WDR7: variants seen among roughly 807,000 people sequenced by gnomAD.
WDR7 encodes WD repeat-containing protein 7.
Under a neutral mutation model 169.4 loss-of-function variants are expected in WDR7, and 46 were observed. That is an observed-to-expected ratio of 0.27 (90% CI 0.21 to 0.35). WDR7 has a LOEUF of 0.35. Ranked by LOEUF, WDR7 falls within the 10% of genes least tolerant of loss-of-function variation. The probability of loss-of-function intolerance (pLI) is 1.00; values close to 1 mark genes in which losing one functional copy is unlikely to be tolerated. For synonymous variants in WDR7, 612 were observed against 666.8 expected (o/e 0.92, Z 1.27); for missense variants, 1,534 against 1,859.3 (o/e 0.83, Z 3.22).
chr18:56,688,781 C>T (rs1488606609), intron 7 of WDR7, among the ~76,000 whole-genome samples: 3 of 151,736 alleles, frequency 2.0e-5, no homozygotes, highest in Non-Finnish European at 2.9e-5. Context: ...GTCTCTTCCC[C>T]GCTGGAACTT....
In WDR7 at chr18:56,708,820, C is replaced by T. The variant is rs8088582; in HGVS notation, c.1579-9144C>T. ...GGCATGGTGGCATGTGCCTGTAATCCCAGCTACTTGAGAGACTGAGGTAGG... is the reference window on the plus strand; with the variant it reads ...GGCATGGTGGCATGTGCCTGTAATCTCAGCTACTTGAGAGACTGAGGTAGG... On this transcript the variant is annotated intron_variant, in intron 12 of 27. Coordinates refer to ENST00000254442, the MANE Select transcript of WDR7 (RefSeq NM_015285.3). 2.4e-3 allele frequency among the ~76,000 whole-genome samples: 367 copies of T among 152,130 alleles called. 1 individual carries two copies. Among genetic ancestry groups the T allele is most frequent in the African/African-American group, 8.2e-3 (339 of 41,478 alleles).
chr18:57,006,980 AC>A (rs2048067379), intron 26 of WDR7, among the ~76,000 whole-genome samples: 1 of 148,102 alleles, frequency 6.8e-6, no homozygotes, highest in African/African-American at 2.5e-5. Context: ...ATCTTTCCTA[AC>A]TTTTTTTTTT....
intron 21 of WDR7, among the ~76,000 whole-genome samples, chr18:56,881,081 A>T (rs1351487583): frequency 6.6e-6 from 1 of 152,242 alleles, no homozygotes; most frequent in African/African-American, 2.4e-5. Flanking sequence ...TTATGACAGC[A>T]GTGAACTTCA....
At chr18:56,871,963 T>C (rs558769621) in intron 20 of WDR7, among the ~76,000 whole-genome samples, 59 of 152,154 alleles carry the variant, frequency 3.9e-4, no homozygotes, top group Non-Finnish European at 7.8e-4. Context: ...AAGAATTGAA[T>C]GTTTAAGAAC....
At chr18:56,892,803 A>G (rs754474816) in intron 21 of WDR7, among the ~76,000 whole-genome samples, 17 of 152,078 alleles carry the variant, frequency 1.1e-4, no homozygotes, top group Non-Finnish European at 2.1e-4. Flanking sequence ...TGAAGAAGAT[A>G]CTTCAGTAGT....
intron 14 of WDR7, among the ~76,000 whole-genome samples, chr18:56,732,111 AAC>A (rs778427682): frequency 1.3e-5 from 2 of 152,208 alleles, no homozygotes; most frequent in Non-Finnish European, 2.9e-5. Flanking sequence ...CCCAAGCTCA[AAC>A]ACACTTTCCT....
At chr18:56,797,939 C>T (rs1480035371) in intron 19 of WDR7, among the ~76,000 whole-genome samples, 1 of 152,118 alleles carries the variant, frequency 6.6e-6, no homozygotes, top group Non-Finnish European at 1.5e-5. Context: ...ATCATCTTTA[C>T]CTGTAAATAT....
intron 25 of WDR7, among the ~76,000 whole-genome samples, chr18:56,949,128 GTC>G (rs10537966): frequency 2.1e-3 from 297 of 142,704 alleles, no homozygotes; most frequent in Admixed American, 1.7e-3. Context: ...GTTTTCTAAA[GTC>G]TCTCTCTCTC....
At chr18:56,669,964 A>G (rs570680578) in intron 1 of WDR7, among the ~76,000 whole-genome samples, 38 of 152,216 alleles carry the variant, frequency 2.5e-4, no homozygotes, top group African/African-American at 8.4e-4. Flanking sequence ...CTGGATTTAC[A>G]TTGCCCTTTT....
At chr18:56,794,591 G>A (rs1190693543) in intron 19 of WDR7, among the ~76,000 whole-genome samples, 1 of 151,944 alleles carries the variant, frequency 6.6e-6, no homozygotes, top group African/African-American at 2.4e-5. Context: ...TTACAGGCGT[G>A]AGCCACCGTG....
intron 20 of WDR7, among the ~76,000 whole-genome samples, chr18:56,855,191 C>G (rs933519043): frequency 6.6e-6 from 1 of 151,756 alleles, no homozygotes; most frequent in African/African-American, 2.4e-5. Flanking sequence ...TTTCAACATA[C>G]GTGTTTCCTA....
chr18:56,757,058 A>G lies in WDR7; in HGVS notation c.2465A>G (p.Asp822Gly). The stretch of plus-strand genomic sequence containing the variant: ...GAAGTACTGGATGAAGTTTGCCTGG[A>G]TCGCCTTGGAATGCTGAAACCCCAC... ...LNEVLDEVCL[D>G]RLGMLKPHCT... The change falls in exon 15 of 28, where the codon GAT (aspartate) becomes GGT (glycine). Residue 822 changes from aspartate (D) to glycine (G), a missense_variant. Asp to Gly is a moderately conservative substitution (Grantham distance 94). Coordinates refer to ENST00000254442, the MANE Select transcript of WDR7 (RefSeq NM_015285.3). 1 of 1,614,110 alleles carries G rather than the reference A, an allele frequency of 6.2e-7. No individual in the cohort carries two copies. Among genetic ancestry groups the G allele is most frequent in the Non-Finnish European group, 8.5e-7 (1 of 1,180,004 alleles).
intron 16 of WDR7, among the ~76,000 whole-genome samples, chr18:56,766,267 G>C (rs1362444157): frequency 6.6e-6 from 1 of 151,990 alleles, no homozygotes; most frequent in Admixed American, 6.6e-5. Context: ...CATGTTTCTT[G>C]TGGTTGGGGT....
At chr18:56,732,471 A>G (rs534875458) in intron 14 of WDR7, among the ~76,000 whole-genome samples, 47 of 152,340 alleles carry the variant, frequency 3.1e-4, no homozygotes, top group Admixed American at 1.1e-3. Context: ...GTGAATAAAT[A>G]GTAAAGGGGT....
intron 22 of WDR7, among the ~76,000 whole-genome samples, chr18:56,928,041 G>A (rs1183897273): frequency 6.6e-6 from 1 of 152,196 alleles, no homozygotes; most frequent in Non-Finnish European, 1.5e-5. Context: ...AAGGACAGGG[G>A]CATGCGAAAG....
chr18:56,870,650 TATCA>T (rs1248745300), intron 20 of WDR7, among the ~76,000 whole-genome samples: 1 of 152,214 alleles, frequency 6.6e-6, no homozygotes, highest in East Asian at 1.9e-4. Flanking sequence ...CAGCCAGGTG[TATCA>T]ATTAATTAAT....
chr18:56,725,757 A>G (rs1475300304), intron 13 of WDR7, among the ~76,000 whole-genome samples: 1 of 152,098 alleles, frequency 6.6e-6, no homozygotes, highest in Non-Finnish European at 1.5e-5. Flanking sequence ...GGTATTGCCT[A>G]GGTTTTCTTC....
chr18:56,764,119 C>T (rs1348870472), intron 16 of WDR7, among the ~76,000 whole-genome samples: 1 of 151,970 alleles, frequency 6.6e-6, no homozygotes, highest in African/African-American at 2.4e-5. Context: ...AAGGTAAAAG[C>T]TGAGATCATT....
chr18:56,795,896 A>G (rs2044576568), intron 19 of WDR7, among the ~76,000 whole-genome samples: 1 of 152,196 alleles, frequency 6.6e-6, no homozygotes, highest in Non-Finnish European at 1.5e-5. Context: ...ACACAGTTAC[A>G]TTCATTTGTT....
Sources: gnomAD v4.1 joint callset for allele counts (sites outside exome capture counted in the v4.1 genomes callset) on GRCh38, gnomAD v4.1.1 for gene constraint, MANE v1.5 for transcripts, NCBI Gene and HGNC (gene_info 2026-07-23, HGNC 2026-07-21) for gene names.